Variants in FSTL4 observed in about 807,000 individuals in gnomAD.
The protein encoded by FSTL4 is follistatin like 4.
In FSTL4, 28 loss-of-function variants were observed where a neutral mutation model predicts 78.2. The ratio of observed to expected loss-of-function variants is 0.36; its 90% CI spans 0.27 to 0.49. The LOEUF is 0.49. Among genes scored for constraint, FSTL4 ranks in the 20% least tolerant of loss-of-function variants. The pLI, the probability that FSTL4 is intolerant of heterozygous loss-of-function variation, is 0.98. For missense variants in FSTL4, 922 were observed against 1,084.9 expected (o/e 0.85, Z 2.11); for synonymous variants, 422 against 440.5 (o/e 0.96, Z 0.53).
At chr5:133,627,779 G>A in the FSTL4 span, among the ~76,000 whole-genome samples, 4 of 151,788 alleles carry the variant, frequency 2.6e-5, no homozygotes, top group Non-Finnish European at 4.4e-5. Context: ...TTTGTTCTGT[G>A]TATGTTTTCT....
intron 4 of FSTL4, among the ~76,000 whole-genome samples, chr5:133,348,273 T>C (rs1023754807): frequency 6.6e-6 from 1 of 152,254 alleles, no homozygotes; most frequent in South Asian, 2.1e-4. Context: ...TCTTAGCTTT[T>C]CATAGCAAAG....
At chr5:133,685,470 G>T in the FSTL4 span, among the ~76,000 whole-genome samples, 2 of 152,216 alleles carry the variant, frequency 1.3e-5, no homozygotes, top group Non-Finnish European at 2.9e-5. Flanking sequence ...CTACAGAGAG[G>T]AAAACACCCA....
intron 3 of FSTL4, among the ~76,000 whole-genome samples, chr5:133,446,061 T>C (rs1163114564): frequency 6.6e-6 from 1 of 152,182 alleles, no homozygotes; most frequent in Non-Finnish European, 1.5e-5. Context: ...ATGATGGCAG[T>C]CATGACCTTC....
At chr5:133,803,276 C>A in the FSTL4 span, among the ~76,000 whole-genome samples, 1 of 152,122 alleles carries the variant, frequency 6.6e-6, no homozygotes, top group Non-Finnish European at 1.5e-5. Context: ...CCAGATTGAC[C>A]CACATACCTG....
intron 4 of FSTL4, among the ~76,000 whole-genome samples, chr5:133,372,237 C>G (rs111897012): frequency 1.6e-4 from 14 of 87,758 alleles, no homozygotes; most frequent in Admixed American, 4.7e-4. Context: ...ATCTATGTAT[C>G]TATGTATCTA....
At chr5:133,654,420 T>A in the FSTL4 span, among the ~76,000 whole-genome samples, 2 of 152,166 alleles carry the variant, frequency 1.3e-5, no homozygotes, top group Non-Finnish European at 2.9e-5. Context: ...AGGTAAGACT[T>A]CAGAGTCCAT....
At chr5:133,495,072 G>A (rs368075937) in intron 3 of FSTL4, among the ~76,000 whole-genome samples, 7 of 152,320 alleles carry the variant, frequency 4.6e-5, no homozygotes, top group Middle Eastern at 3.4e-3. Context: ...ATAGCATCCT[G>A]ACAGGAATCC....
the FSTL4 span, among the ~76,000 whole-genome samples, chr5:133,660,061 A>G: frequency 6.6e-6 from 1 of 152,240 alleles, no homozygotes; most frequent in East Asian, 1.9e-4. Flanking sequence ...TCAAATTCAA[A>G]CAGTGAGGAA....
chr5:133,322,229 A>C (rs890038396), intron 4 of FSTL4, among the ~76,000 whole-genome samples: 8 of 101,944 alleles, frequency 7.8e-5, no homozygotes, highest in African/African-American at 9.4e-5. Context: ...ACACACCCAC[A>C]CACACACACA....
chr5:133,239,300 C>G (rs2126809850), intron 7 of FSTL4, among the ~76,000 whole-genome samples: 1 of 150,616 alleles, frequency 6.6e-6, no homozygotes, highest in East Asian at 2.0e-4. Context: ...GCTCCCTGCT[C>G]CAGGGCGCCC....
At chr5:133,638,436 T>A in the FSTL4 span, among the ~76,000 whole-genome samples, 1 of 152,162 alleles carries the variant, frequency 6.6e-6, no homozygotes, top group South Asian at 2.1e-4. Flanking sequence ...GAGGCCCCTG[T>A]CATCTCTCCA....
intron 4 of FSTL4, among the ~76,000 whole-genome samples, chr5:133,398,079 CCT>C (rs1756117990): frequency 6.6e-6 from 1 of 152,102 alleles, no homozygotes; most frequent in African/African-American, 2.4e-5. Flanking sequence ...CCCGACAGAG[CCT>C]CTGTCATCTA....
chr5:133,696,256 A>C, the FSTL4 span, among the ~76,000 whole-genome samples: 3 of 152,186 alleles, frequency 2.0e-5, no homozygotes, highest in Admixed American at 6.5e-5. Context: ...CAGGGCATGC[A>C]GGGGACTGGG....
chr5:133,310,352 A>T (rs1370009996), intron 6 of FSTL4, among the ~76,000 whole-genome samples: 1 of 152,236 alleles, frequency 6.6e-6, no homozygotes, highest in Non-Finnish European at 1.5e-5. Flanking sequence ...GAACGAAGGG[A>T]GCTGACACCA....
At chr5:133,385,021 G>A (rs1354687883) in intron 4 of FSTL4, among the ~76,000 whole-genome samples, 1 of 152,126 alleles carries the variant, frequency 6.6e-6, no homozygotes, top group Non-Finnish European at 1.5e-5. Context: ...AGGCCTCCCT[G>A]TTCCTTCCAT....
chr5:133,596,130 T>C (rs1760732463), intron 2 of FSTL4, among the ~76,000 whole-genome samples: 1 of 152,198 alleles, frequency 6.6e-6, no homozygotes, highest in Non-Finnish European at 1.5e-5. Context: ...TAGAGAGCCG[T>C]GCACATCAGC....
At chr5:133,635,229 T>C in the FSTL4 span, among the ~76,000 whole-genome samples, 1 of 152,312 alleles carries the variant, frequency 6.6e-6, no homozygotes, top group Admixed American at 6.5e-5. Context: ...GTCATATGCA[T>C]GATGTACTCT....
chr5:133,202,289 C>A (rs1431489287), intron 14 of FSTL4, among the ~76,000 whole-genome samples: 2 of 152,152 alleles, frequency 1.3e-5, no homozygotes, highest in African/African-American at 4.8e-5. Flanking sequence ...TTGCTTCTGC[C>A]CCATGGTTAA....
At chr5:133,422,338 CA>C (rs1183126665) in intron 3 of FSTL4, among the ~76,000 whole-genome samples, 1 of 151,842 alleles carries the variant, frequency 6.6e-6, no homozygotes, top group Non-Finnish European at 1.5e-5. Flanking sequence ...AGAAATGTGG[CA>C]AAAGGAGAAG....
Sources: allele counts gnomAD v4.1 joint callset (sites outside exome capture counted in the v4.1 genomes callset), GRCh38; gene constraint gnomAD v4.1.1; transcripts MANE v1.5; gene names NCBI Gene and HGNC (gene_info 2026-07-23, HGNC 2026-07-21).